Variants in SLC14A2 observed in about 807,000 individuals in gnomAD.
The protein encoded by SLC14A2 is solute carrier family 14 member 2, also known as urea transporter 2.
SLC14A2 carries 91 observed loss-of-function variants against 104.6 expected under a neutral mutation model. The ratio of observed to expected loss-of-function variants is 0.87; its 90% CI spans 0.73 to 1.04. The LOEUF is 1.04. Ranked by LOEUF, SLC14A2 falls within the 50% of genes least tolerant of loss-of-function variation. The probability of loss-of-function intolerance (pLI) is 0.00; values close to 1 mark genes in which losing one functional copy is unlikely to be tolerated. For missense variants in SLC14A2, 1,189 were observed against 1,156.0 expected, an observed-to-expected ratio of 1.03 and a Z score of -0.41; for synonymous variants, 476 against 466.4, an observed-to-expected ratio of 1.02 and a Z score of -0.27.
chr18:45,481,300 A>T (rs1406080963), intron 1 of SLC14A2, among the ~76,000 whole-genome samples: 1 of 151,798 alleles, frequency 6.6e-6, no homozygotes, highest in Non-Finnish European at 1.5e-5. Context: ...CAATGACTTC[A>T]GGTCTTGTGT....
chr18:45,466,215 C>T (rs2087139078), intron 1 of SLC14A2, among the ~76,000 whole-genome samples: 1 of 151,970 alleles, frequency 6.6e-6, no homozygotes, highest in Non-Finnish European at 1.5e-5. Context: ...ATTACCTGGA[C>T]ATCCACTTTG....
intron 10 of SLC14A2, among the ~76,000 whole-genome samples, chr18:45,657,078 C>T (rs539773971): frequency 1.3e-5 from 2 of 152,278 alleles, no homozygotes; most frequent in East Asian, 3.9e-4. Flanking sequence ...CTCAGGAAGA[C>T]TGGGGTTTTT....
chr18:45,475,768 T>A (rs1381640119), intron 1 of SLC14A2, among the ~76,000 whole-genome samples: 1 of 150,116 alleles, frequency 6.7e-6, no homozygotes, highest in Non-Finnish European at 1.5e-5. Context: ...CTTTGTTGGT[T>A]TAAAGTCTGT....
chr18:45,240,653 TTTG>T (rs1217104748), intron 1 of SLC14A2, among the ~76,000 whole-genome samples: 20 of 144,252 alleles, frequency 1.4e-4, no homozygotes, highest in African/African-American at 5.5e-4. Flanking sequence ...TTTTTTTGTT[TTTG>T]TTTTTGGTTT....
chr18:45,549,607 C>T (rs1156688276), intron 2 of SLC14A2, among the ~76,000 whole-genome samples: 1 of 152,204 alleles, frequency 6.6e-6, no homozygotes, highest in African/African-American at 2.4e-5. Context: ...CAAATGCCGC[C>T]TTATGTGGAG....
intron 1 of SLC14A2, among the ~76,000 whole-genome samples, chr18:45,251,489 T>C (rs142106427): frequency 6.6e-6 from 1 of 152,318 alleles, no homozygotes; most frequent in Non-Finnish European, 1.5e-5. Flanking sequence ...GTGTATTGTT[T>C]CCTAGGATTG....
intron 1 of SLC14A2, among the ~76,000 whole-genome samples, chr18:45,470,187 C>T (rs1179968053): frequency 6.6e-6 from 1 of 152,102 alleles, no homozygotes; most frequent in Non-Finnish European, 1.5e-5. Context: ...TTGCAGGTTT[C>T]AATAAAGTTT....
At position 45,641,302 on chromosome 18, in the gene SLC14A2, A is replaced by G. The variant is rs2045523987; in HGVS notation, c.1085A>G (p.Tyr362Cys). ...TGCATCGCCATCGGAGGCATGTTCT[A>G]TGCCCTCACCTGGCAGACTCACCTG... The part of the protein sequence containing the change: ...LSCIAIGGMF[Y>C]ALTWQTHLLA... Residue 362 changes from tyrosine to cysteine, a missense_variant, in exon 8 of 20, where the codon TAT (tyrosine) becomes TGT (cysteine). Physicochemically the swap from Tyr to Cys is radical, Grantham distance 194. Coordinates refer to ENST00000255226, the MANE Select transcript of SLC14A2 (RefSeq NM_007163.4). 6.2e-7 allele frequency: 1 copy of G among 1,614,212 alleles called. No individual in the cohort carries two copies. Among genetic ancestry groups the G allele is most frequent in the African/African-American group, 1.3e-5 (1 of 75,068 alleles).
At position 45,651,825 on chromosome 18, in the gene SLC14A2, G is replaced by A. The variant is rs139335144; in HGVS notation, c.1351+7665G>A. ...CACAAGTGCCTTTGCTACTTTTCTA[G>A]AGCTTAACCAGTTAGCCATTTGGCC... is the stretch of plus-strand genomic sequence containing the variant. On this transcript the variant is annotated intron_variant, in intron 10 of 19. Transcript: ENST00000255226. Among the ~76,000 whole-genome samples the A allele has an allele frequency of 1.6e-4, 24 of 152,302 alleles. 1 individual carries two copies. The highest frequency in any genetic ancestry group is 5.8e-4 in the African/African-American group (24 of 41,564).
rs761079628 is a variant in SLC14A2 at position 45,637,147 on chromosome 18, C to T, written c.808C>T (p.Pro270Ser). 3 of 1,614,150 alleles carry T rather than the reference C, an allele frequency of 1.9e-6. No homozygotes were observed. The South Asian group carries it at 3.3e-5, about 18-fold the overall frequency. Reference sequence around the variant, plus strand: ...ACTGGTAGAGCCTGTGTCTTCAGTGCCCAATATCACCTGGACAGAGATGGA... The same window carrying T: ...ACTGGTAGAGCCTGTGTCTTCAGTGTCCAATATCACCTGGACAGAGATGGA... Reference protein sequence around the residue: ...TTLVEPVSSVPNITWTEMEMP... With the variant: ...TTLVEPVSSVSNITWTEMEMP... The change falls in exon 6 of 20, where the codon CCC becomes TCC. Residue 270 changes from proline to serine, a missense_variant. Coordinates refer to ENST00000255226, the MANE Select transcript of SLC14A2 (RefSeq NM_007163.4).
At chr18:45,291,776 G>T (rs1012433546) in intron 1 of SLC14A2, among the ~76,000 whole-genome samples, 12 of 151,642 alleles carry the variant, frequency 7.9e-5, no homozygotes, top group Non-Finnish European at 1.8e-4. Flanking sequence ...AGGAGTCACG[G>T]TGACGAATCA....
chr18:45,353,790 C>G (rs550206960), intron 1 of SLC14A2, among the ~76,000 whole-genome samples: 3 of 152,314 alleles, frequency 2.0e-5, no homozygotes, highest in African/African-American at 7.2e-5. Flanking sequence ...ACTAAATATA[C>G]ACCCCTGGAT....
chr18:45,384,159 A>G (rs1388405943), intron 1 of SLC14A2, among the ~76,000 whole-genome samples: 1 of 152,128 alleles, frequency 6.6e-6, no homozygotes, highest in Non-Finnish European at 1.5e-5. Flanking sequence ...TAGGACTAGA[A>G]GTCTTTGTGC....
At chr18:45,217,306 T>TCATATATACATATGTATATATAATGTA (rs2084019282) in intron 1 of SLC14A2, among the ~76,000 whole-genome samples, 1 of 146,564 alleles carries the variant, frequency 6.8e-6, no homozygotes, top group African/African-American at 2.5e-5. Flanking sequence ...ATATACATCA[T>TCATATATACATATGTATATATAATGTA]CATATATACA....
intron 1 of SLC14A2, among the ~76,000 whole-genome samples, chr18:45,619,298 C>T (rs939246206): frequency 6.6e-6 from 1 of 152,242 alleles, no homozygotes; most frequent in Non-Finnish European, 1.5e-5. Flanking sequence ...GCCCTCTTGC[C>T]CTCTGCCCTT....
chr18:45,523,196 CAG>C (rs2043541185), intron 2 of SLC14A2, among the ~76,000 whole-genome samples: 2 of 140 alleles, frequency 0.014, no homozygotes, highest in Non-Finnish European at 0.048. Flanking sequence ...AAAGTTCCTC[CAG>C]CTCCAGCCCC....
intron 1 of SLC14A2, among the ~76,000 whole-genome samples, chr18:45,472,389 C>T (rs1005153581): frequency 6.6e-5 from 10 of 152,126 alleles, no homozygotes; most frequent in African/African-American, 2.2e-4. Context: ...TCGGTATATA[C>T]CCAGTAATGG....
intron 1 of SLC14A2, among the ~76,000 whole-genome samples, chr18:45,476,034 G>A (rs1433359091): frequency 6.6e-6 from 1 of 152,052 alleles, no homozygotes; most frequent in Non-Finnish European, 1.5e-5. Flanking sequence ...CATGATAGCT[G>A]GTTATTTTGC....
At chr18:45,537,029 C>CCCTCCCTT (rs1194753065) in intron 2 of SLC14A2, among the ~76,000 whole-genome samples, 8 of 61,936 alleles carry the variant, frequency 1.3e-4, no homozygotes, top group Admixed American at 3.6e-4. Context: ...TCCCCTCCCT[C>CCCTCCCTT]CCTCCCTCCC....
Sources: allele counts gnomAD v4.1 joint callset (sites outside exome capture counted in the v4.1 genomes callset), GRCh38; gene constraint gnomAD v4.1.1; transcripts MANE v1.5; gene names NCBI Gene and HGNC (gene_info 2026-07-23, HGNC 2026-07-21).